Variants in DOP1B observed in about 807,000 individuals in gnomAD.
The protein encoded by DOP1B is DOP1 leucine zipper like protein B, also known as protein DOP1B.
DOP1B carries 174 observed loss-of-function variants against 233.5 expected under a neutral mutation model. The ratio of observed to expected loss-of-function variants is 0.75; its 90% CI spans 0.66 to 0.85. DOP1B has a LOEUF of 0.85. DOP1B is among the 40% of genes least tolerant of loss of function. The pLI is 0.00. For synonymous variants in DOP1B, 1,190 were observed against 1,185.6 expected (o/e 1.00, Z -0.08); for missense variants, 2,652 against 2,846.6 (o/e 0.93, Z 1.56).
intron 2 of DOP1B, among the ~76,000 whole-genome samples, chr21:36,183,888 G>A (rs1438769007): frequency 6.8e-6 from 1 of 147,392 alleles, no homozygotes; most frequent in Non-Finnish European, 1.5e-5. Flanking sequence ...TTTTTAGATG[G>A]CGTCTCACTC....
intron 27 of DOP1B, among the ~76,000 whole-genome samples, chr21:36,270,552 CAAAA>C (rs398040600): frequency 1.1e-4 from 4 of 36,806 alleles, no homozygotes; most frequent in African/African-American, 2.0e-4. Context: ...GACTCCGTCT[CAAAA>C]AAAAAAAAAA....
chr21:36,265,788 G>A lies in DOP1B; in HGVS notation c.5487+1974G>A, dbSNP rs146224648. ...CACCCTATGCTTCTTCCCCACTGAG[G>A]ATATAGAAAAAAACAAAGTGTGATT... On this transcript the variant is annotated intron_variant, in intron 26 of 36. Transcript: ENST00000691173. 2.3e-3 allele frequency among the ~76,000 whole-genome samples: 354 copies of A among 152,194 alleles called. 1 individual carries two copies. Among genetic ancestry groups the A allele is most frequent in the African/African-American group, 8.0e-3 (331 of 41,544 alleles).
intron 18 of DOP1B, among the ~76,000 whole-genome samples, chr21:36,242,432 C>T (rs1289770097): frequency 2.0e-5 from 3 of 152,076 alleles, no homozygotes; most frequent in Non-Finnish European, 4.4e-5. Flanking sequence ...GCCTCTACCT[C>T]CCAAAGCGCT....
In DOP1B at chr21:36,230,598, G is replaced by C. The variant is rs1229357616; in HGVS notation, c.1814G>C (p.Arg605Thr). 1.2e-6 allele frequency: 2 copies of C among 1,614,216 alleles called. No homozygotes were observed. The highest frequency in any genetic ancestry group is 2.2e-5 in the East Asian group (1 of 44,884). ...TCACCGGAGCTCTCTGAGCACTTGA[G>C]GGTTCCTCGAGTTTCTCTGGAAAGG... ...ASSPELSEHL[R>T]VPRVSLERDD... The change falls in exon 14 of 37, where the codon AGG becomes ACG. Residue 605 changes from arginine to threonine, a missense_variant. By Grantham distance (71) the Arg-to-Thr change is moderately conservative. This residue lies in a region of DOP1B where 2,617 missense variants were observed against 2,794.3 expected (regional missense o/e 0.94). Transcript: ENST00000691173.
At chr21:36,208,429 G>A (rs1297879998) in intron 4 of DOP1B, among the ~76,000 whole-genome samples, 6 of 152,188 alleles carry the variant, frequency 3.9e-5, no homozygotes, top group Non-Finnish European at 8.8e-5. Context: ...GGGTGGAGAT[G>A]GGTCTCTGCC....
intron 2 of DOP1B, chr21:36,169,398 C>T (rs1480121208): frequency 2.3e-6 from 2 of 876,746 alleles, no homozygotes; most frequent in African/African-American, 3.3e-5. Context: ...GAGAAGGCCA[C>T]ATGGTCAGGA....
At chr21:36,276,854 A>G (rs112796748) in intron 27 of DOP1B, among the ~76,000 whole-genome samples, 167 bp from the exon 28 acceptor site, 10 of 151,052 alleles carry the variant, frequency 6.6e-5, no homozygotes, top group Non-Finnish European at 1.3e-4. Flanking sequence ...AAAAAAAAAA[A>G]AAAAAGAAAA....
At chr21:36,163,363 AG>A (rs1353046928) in intron 1 of DOP1B, among the ~76,000 whole-genome samples, 59 of 150,806 alleles carry the variant, frequency 3.9e-4, no homozygotes, top group East Asian at 2.0e-4. Flanking sequence ...AAAAAAAGAA[AG>A]AAAGAAAGTA....
At chr21:36,179,367 C>T (rs2066068668) in intron 2 of DOP1B, among the ~76,000 whole-genome samples, 1 of 152,212 alleles carries the variant, frequency 6.6e-6, no homozygotes, top group Non-Finnish European at 1.5e-5. Flanking sequence ...TTGGTATGGT[C>T]AGTCTTTTTC....
At chr21:36,256,960 G>A (rs1194493701) in intron 23 of DOP1B, among the ~76,000 whole-genome samples, 1 of 152,096 alleles carries the variant, frequency 6.6e-6, no homozygotes, top group African/African-American at 2.4e-5. Context: ...CAGGGTGAGG[G>A]CTCAGTCCCC....
chr21:36,188,522 C>A (rs923058436), intron 2 of DOP1B, among the ~76,000 whole-genome samples: 1 of 147,988 alleles, frequency 6.8e-6, no homozygotes, highest in Admixed American at 6.9e-5. Context: ...ACTAACAGTG[C>A]CCCCTGGCAG....
At chr21:36,248,644 A>C in intron 21 of DOP1B, 76 bp downstream of exon 21, 1 of 1,420,790 alleles carries the variant, frequency 7.0e-7, no homozygotes, top group Non-Finnish European at 9.4e-7. Context: ...TGTATAGGAA[A>C]GTGTGCATGA....
At chr21:36,252,705 T>C (rs1206777825) in intron 22 of DOP1B, among the ~76,000 whole-genome samples, 2 of 152,122 alleles carry the variant, frequency 1.3e-5, no homozygotes, top group Admixed American at 6.6e-5. Context: ...GTAAAGACGG[T>C]TTCACCATGT....
intron 9 of DOP1B, among the ~76,000 whole-genome samples, chr21:36,218,458 G>C (rs748268223): frequency 4.9e-4 from 74 of 152,190 alleles, no homozygotes; most frequent in Middle Eastern, 6.8e-3. Context: ...GGGAGGCGGA[G>C]GTTGCAGTGA....
Position 36,227,896 on chromosome 21 carries a change from A to G in DOP1B, c.1665+19A>G, listed in dbSNP as rs774385774. 3 of 1,558,816 alleles carry G rather than the reference A, an allele frequency of 1.9e-6. No individual in the cohort carries two copies. The highest frequency in any genetic ancestry group is 1.8e-5 in the Admixed American group (1 of 54,290). On this transcript the variant is annotated intron_variant, in intron 13 of 36. Coordinates refer to ENST00000691173, the MANE Select transcript of DOP1B (RefSeq NM_001320714.2). ...AACCTCGGTGTGTACTCTGAGGGGC[A>G]GAAATGGTTCTGGGGGCTAAAAGCA...
intron 21 of DOP1B, among the ~76,000 whole-genome samples, chr21:36,249,766 G>A (rs2067012033): frequency 6.6e-6 from 1 of 152,168 alleles, no homozygotes; most frequent in African/African-American, 2.4e-5. Flanking sequence ...TCTGACATCA[G>A]TTGAGAGCCC....
rs2066533223 is a variant in DOP1B, at chr21:36,214,135, A to T, written c.959A>T (p.Tyr320Phe). The T allele has an allele frequency of 6.2e-7, 1 of 1,614,058 alleles. No individual in the cohort carries two copies. Among genetic ancestry groups the T allele is most frequent in the Non-Finnish European group, 8.5e-7 (1 of 1,179,984 alleles). Residue 320 changes from tyrosine to phenylalanine, a missense_variant, in exon 8 of 37, where the codon TAT becomes TTT. By Grantham distance (22) the Tyr-to-Phe change is conservative. Around this residue, in one of 3 missense-constraint regions of DOP1B, gnomAD observed 2,617 missense variants for 2,794.3 expected, o/e 0.94. Transcript: ENST00000691173. ...CCAGAATCTGAAATCTCAAATTCTT[A>T]TGAAGACCAGTCGTCTTATTTTTTT... is the stretch of plus-strand genomic sequence containing the variant. Reference protein sequence around the residue: ...VVPESEISNSYEDQSSYFFEK... With the variant: ...VVPESEISNSFEDQSSYFFEK...
At chr21:36,165,396 G>T (rs899456056) in intron 2 of DOP1B, among the ~76,000 whole-genome samples, 2 of 151,866 alleles carry the variant, frequency 1.3e-5, no homozygotes, top group Non-Finnish European at 2.9e-5. Flanking sequence ...CCCAAAACTT[G>T]TGTGTGTGTG....
chr21:36,268,381 C>G (rs1323113358), intron 26 of DOP1B, among the ~76,000 whole-genome samples: 1 of 152,144 alleles, frequency 6.6e-6, no homozygotes, highest in East Asian at 1.9e-4. Context: ...GCAGTCAGAC[C>G]TTATGGTTGT....
Sources: gnomAD v4.1 joint callset for allele counts (sites outside exome capture counted in the v4.1 genomes callset) on GRCh38, gnomAD v4.1.1 for gene constraint, gnomAD v4.1.1 regional missense constraint, MANE v1.5 for transcripts, NCBI Gene and HGNC (gene_info 2026-07-23, HGNC 2026-07-21) for gene names.